HIVEP3: variants seen among roughly 807,000 people sequenced by gnomAD.
HIVEP3 encodes the protein HIVEP zinc finger 3, also known as transcription factor HIVEP3.
A neutral mutation model predicts 152.8 loss-of-function variants in HIVEP3; 49 were observed. That is an observed-to-expected ratio of 0.32 (90% CI 0.26 to 0.41). The LOEUF (loss-of-function observed/expected upper bound fraction) is 0.41. Among genes scored for constraint, HIVEP3 ranks in the 10% least tolerant of loss-of-function variants. The pLI, the probability that HIVEP3 is intolerant of heterozygous loss-of-function variation, is 1.00. For synonymous variants in HIVEP3, 1,269 were observed against 1,289.0 expected, an observed-to-expected ratio of 0.98 and a Z score of 0.33; for missense variants, 2,790 against 3,103.3, an observed-to-expected ratio of 0.90 and a Z score of 2.40.
At chr1:41,789,102 C>A (rs1328794088) in intron 1 of HIVEP3, among the ~76,000 whole-genome samples, 1 of 152,224 alleles carries the variant, frequency 6.6e-6, no homozygotes, top group Non-Finnish European at 1.5e-5. Flanking sequence ...CGCTGTCTTC[C>A]CTGGACCAAG....
At chr1:41,638,759 A>C (rs937257586) in intron 2 of HIVEP3, among the ~76,000 whole-genome samples, 1 of 152,210 alleles carries the variant, frequency 6.6e-6, no homozygotes, top group African/African-American at 2.4e-5. Flanking sequence ...CTCCACCAAC[A>C]CATCAAAGCA....
intron 5 of HIVEP3, among the ~76,000 whole-genome samples, chr1:41,550,842 C>G (rs562591618): frequency 6.6e-6 from 1 of 152,308 alleles, no homozygotes; most frequent in African/African-American, 2.4e-5. Flanking sequence ...TTGACTTCCT[C>G]TTTTTCTAAT....
rs536940784 is a variant in HIVEP3, at chr1:41,779,484, C to T, written c.-800-78489G>A. Among the ~76,000 whole-genome samples the T allele has an allele frequency of 2.2e-4, 34 of 152,158 alleles. 1 individual carries two copies. The highest frequency in any genetic ancestry group is 4.1e-4 in the Non-Finnish European group (28 of 68,026). On this transcript the variant is annotated intron_variant, in intron 1 of 8. Coordinates refer to ENST00000372583, the MANE Select transcript of HIVEP3 (RefSeq NM_024503.5). ...TGAAAAAATATTAAGGTGACAGAAG[C>T]CCCTTCTTTTTCTTTTCTTTTCTTT...
intron 1 of HIVEP3, among the ~76,000 whole-genome samples, chr1:41,795,978 C>T (rs530898847): frequency 1.3e-5 from 2 of 152,242 alleles, no homozygotes; most frequent in African/African-American, 4.8e-5. Context: ...TCTTTAGAGA[C>T]TAAGATCTGG....
chr1:41,532,800 G>A lies in HIVEP3; in HGVS notation c.5208-7890C>T, dbSNP rs1485313264. 6.6e-5 allele frequency among the ~76,000 whole-genome samples: 10 copies of A among 152,168 alleles called. No homozygotes were observed. The East Asian group carries it at 1.2e-3, about 18-fold the overall frequency. ...GCCCATGAGGAAGACATGAAGAAACGTCCTTGTGTCAGAAATCAGTGGGAC... is the reference window on the plus strand; with the variant it reads ...GCCCATGAGGAAGACATGAAGAAACATCCTTGTGTCAGAAATCAGTGGGAC... On this transcript the variant is annotated intron_variant, in intron 5 of 8. Transcript: ENST00000372583.
At chr1:41,769,236 C>T (rs1236920975) in intron 1 of HIVEP3, among the ~76,000 whole-genome samples, 2 of 152,198 alleles carry the variant, frequency 1.3e-5, no homozygotes, top group African/African-American at 4.8e-5. Flanking sequence ...AAGCATTGTC[C>T]ACTTTCCAAA....
intron 1 of HIVEP3, among the ~76,000 whole-genome samples, chr1:41,837,392 TCTCAGCTCACTGCAAC>T (rs1643155071): frequency 6.6e-6 from 1 of 152,140 alleles, no homozygotes; most frequent in Non-Finnish European, 1.5e-5. Context: ...AATGGTGCAA[TCTCAGCTCACTGCAAC>T]CTCCGCCTCC....
At chr1:41,665,445 C>T (rs1362210669) in intron 2 of HIVEP3, among the ~76,000 whole-genome samples, 1 of 151,898 alleles carries the variant, frequency 6.6e-6, no homozygotes, top group East Asian at 1.9e-4. Context: ...TTCCTGCATT[C>T]CTCAAACATG....
intron 6 of HIVEP3, among the ~76,000 whole-genome samples, chr1:41,520,250 A>C (rs1642726053): frequency 6.6e-6 from 1 of 152,176 alleles, no homozygotes. Flanking sequence ...TGTCCAAGTC[A>C]AGGGCAGCAG....
At chr1:41,987,003 C>T (rs1176699311) in intron 1 of HIVEP3, among the ~76,000 whole-genome samples, 1 of 152,132 alleles carries the variant, frequency 6.6e-6, no homozygotes, top group Non-Finnish European at 1.5e-5. Context: ...CTGTACTATA[C>T]TGAATTGTGT....
chr1:41,989,088 G>T (rs555392729), intron 1 of HIVEP3, among the ~76,000 whole-genome samples: 1 of 152,218 alleles, frequency 6.6e-6, no homozygotes, highest in South Asian at 2.1e-4. Context: ...AGAGATGCTG[G>T]TGAAAAGACA....
intron 5 of HIVEP3, among the ~76,000 whole-genome samples, chr1:41,530,420 G>A (rs1466100087): frequency 2.0e-5 from 3 of 152,238 alleles, no homozygotes; most frequent in Non-Finnish European, 2.9e-5. Flanking sequence ...GCTCACACCT[G>A]GATCTTAATT....
intron 2 of HIVEP3, among the ~76,000 whole-genome samples, chr1:41,694,329 T>C (rs1433676616): frequency 1.3e-5 from 2 of 152,104 alleles, no homozygotes; most frequent in Admixed American, 1.3e-4. Context: ...CCGACCTTTT[T>C]ACCCAAAATT....
chr1:41,801,141 G>T (rs1437367824), intron 1 of HIVEP3, among the ~76,000 whole-genome samples: 1 of 152,216 alleles, frequency 6.6e-6, no homozygotes, highest in Admixed American at 6.5e-5. Context: ...AGAAGAAGAT[G>T]CAAGGCTTTT....
intron 1 of HIVEP3, among the ~76,000 whole-genome samples, chr1:41,917,971 G>T (rs1644896999): frequency 6.6e-6 from 1 of 152,222 alleles, no homozygotes; most frequent in Non-Finnish European, 1.5e-5. Flanking sequence ...ACAAGAAAAC[G>T]CCGGTGCCAC....
chr1:41,872,738 C>G (rs188183958), intron 1 of HIVEP3, among the ~76,000 whole-genome samples: 12 of 152,248 alleles, frequency 7.9e-5, no homozygotes, highest in African/African-American at 2.6e-4. Flanking sequence ...TAGTTTGTTC[C>G]TTTTTATTAC....
intron 5 of HIVEP3, among the ~76,000 whole-genome samples, chr1:41,565,066 G>A (rs1239948054): frequency 6.6e-6 from 1 of 152,200 alleles, no homozygotes; most frequent in Non-Finnish European, 1.5e-5. Flanking sequence ...GCGTGAATCT[G>A]GGGTTGAATT....
At position 41,512,824 on chromosome 1, in the gene HIVEP3, A is replaced by G; in HGVS notation, c.6397T>C (p.Ser2133Pro). Residue 2133 changes from serine to proline, a missense_variant, in exon 8 of 9, where the codon TCC (serine) becomes CCC (proline). Physicochemically the swap from Ser to Pro is moderately conservative, Grantham distance 74 (BLOSUM62 -1). Around this residue, in one of 9 missense-constraint regions of HIVEP3, gnomAD observed 816 missense variants for 806.5 expected, o/e 1.01. Coordinates refer to ENST00000372583, the MANE Select transcript of HIVEP3 (RefSeq NM_024503.5). ...CAGGGGCAGGAACTCACCCACGGGG[A>G]GGCGCAGGTCTCTGGGCTTCTGCTG... ...LLSRSPETCA[S>P]PWQKAESRSP... 6.7e-7 allele frequency: 1 copy of G among 1,497,208 alleles called. No individual in the cohort carries two copies. The highest frequency in any genetic ancestry group is 8.9e-7 in the Non-Finnish European group (1 of 1,118,856). 92.7% of individuals were successfully genotyped at this position (1,497,208 alleles called of 1,614,324 possible).
chr1:41,606,996 T>C (rs778118330), intron 3 of HIVEP3, among the ~76,000 whole-genome samples: 18 of 152,158 alleles, frequency 1.2e-4, no homozygotes, highest in Non-Finnish European at 2.5e-4. Context: ...TTTTTATTTT[T>C]ATTTTTAAAT....
Sources: gnomAD v4.1 joint callset for allele counts (sites outside exome capture counted in the v4.1 genomes callset) on GRCh38, gnomAD v4.1.1 for gene constraint, gnomAD v4.1.1 regional missense constraint, MANE v1.5 for transcripts, NCBI Gene and HGNC (gene_info 2026-07-23, HGNC 2026-07-21) for gene names.